The following NUTM1 variants were observed in gnomAD, a reference collection of about 807,000 sequenced individuals.
NUTM1 encodes NUT family member 1.
A neutral mutation model predicts 88.7 loss-of-function variants in NUTM1; 39 were observed. That is an observed-to-expected ratio of 0.44 (90% CI 0.34 to 0.57). The LOEUF is 0.57. Among genes scored for constraint, NUTM1 ranks in the 20% least tolerant of loss-of-function variants. The probability of loss-of-function intolerance (pLI) is 0.01; values close to 1 mark genes in which losing one functional copy is unlikely to be tolerated. For synonymous variants in NUTM1, 494 were observed against 538.0 expected, an observed-to-expected ratio of 0.92 and a Z score of 1.13; for missense variants, 1,350 against 1,414.5, an observed-to-expected ratio of 0.95 and a Z score of 0.73.
At chr15:34,345,837 T>G in intron 1 of NUTM1, 105 bp from the exon 2 acceptor site, 1 of 1,457,086 alleles carries the variant, frequency 6.9e-7, no homozygotes, top group Non-Finnish European at 9.1e-7. Context: ...CACTTTTCCC[T>G]CTCCCCTCCC....
At position 34,356,693 on chromosome 15, in the gene NUTM1, TATC is replaced by T; in HGVS notation, c.2688_2690del (p.Ile896del). The T allele has an allele frequency of 1.2e-6, 2 of 1,613,654 alleles. No homozygotes were observed. The highest frequency in any genetic ancestry group is 2.2e-5 in the East Asian group (1 of 44,876). On this transcript the variant is annotated inframe_deletion, in exon 8 of 8. Transcript: ENST00000537011. ...CACCCACATGCCAAGGCAATCTCCT[TATC>T]ATGGGGACTGAGGATGCCTCCTCCT...
In NUTM1 at chr15:34,355,857, G is replaced by T; in HGVS notation, c.1849G>T (p.Val617Phe). ...LGVERRGSGK[V>F]INQVSLHQDG... ...TGTGGAGAGGAGAGGGTCTGGGAAG[G>T]TTATAAACCAGGTATCTCTACATCA... Residue 617 changes from valine to phenylalanine, a missense_variant, in exon 8 of 8, where the codon GTT becomes TTT. Val to Phe is a conservative substitution (Grantham distance 50). This residue lies in a region of NUTM1 where 730 missense variants were observed against 728.8 expected (regional missense o/e 1.00). Transcript: ENST00000537011. The surrounding 1 kb of genome is among the most constrained non-coding windows in gnomAD (Gnocchi z 4.3). 6.2e-7 allele frequency: 1 copy of T among 1,613,970 alleles called. No homozygotes were observed. The highest frequency in any genetic ancestry group is 8.5e-7 in the Non-Finnish European group (1 of 1,180,002).
chr15:34,349,836 C>G (rs547057881), intron 3 of NUTM1, among the ~76,000 whole-genome samples: 1 of 152,194 alleles, frequency 6.6e-6, no homozygotes, highest in South Asian at 2.1e-4. Flanking sequence ...GCTCTTGGAG[C>G]CTAGCAGGCT....
In NUTM1 at chr15:34,356,564, G is replaced by T. The variant is rs1890816127; in HGVS notation, c.2556G>T (p.Gln852His). 6.2e-7 allele frequency: 1 copy of T among 1,613,924 alleles called. No homozygotes were observed. The highest frequency in any genetic ancestry group is 8.5e-7 in the Non-Finnish European group (1 of 1,180,006). ...TGAGGTCCAAAGAAAATCAAGAACA[G>T]AGCTGTGAAACCGTAGGGCATCCCA... Reference protein sequence around the residue: ...PPLRSKENQEQSCETVGHPSD... With the variant: ...PPLRSKENQEHSCETVGHPSD... Residue 852 changes from glutamine (Q) to histidine (H), a missense_variant, in exon 8 of 8, where the codon CAG becomes CAT. Physicochemically the swap from Gln to His is conservative, Grantham distance 24 (BLOSUM62 0). This residue lies in a region of NUTM1 where 730 missense variants were observed against 728.8 expected (regional missense o/e 1.00). Transcript: ENST00000537011.
chr15:34,352,642 CAAA>C (rs34684058), intron 4 of NUTM1, among the ~76,000 whole-genome samples: 5 of 112,694 alleles, frequency 4.4e-5, no homozygotes, highest in Non-Finnish European at 7.1e-5. Flanking sequence ...ACTAAAAATA[CAAA>C]AAAAAAAAAA....
Position 34,355,591 on chromosome 15 carries a change from A to T in NUTM1, c.1583A>T (p.Glu528Val). The T allele has an allele frequency of 6.2e-7, 1 of 1,614,092 alleles. No homozygotes were observed. The highest frequency in any genetic ancestry group is 1.1e-5 in the South Asian group (1 of 91,074). ...QLDSSPSGSV[E>V]DEDGDGRLRP... Reference sequence around the variant, plus strand: ...GACTCAAGTCCTTCTGGTTCTGTTGAGGATGAAGATGGGGATGGGCGGCTT... The same window carrying T: ...GACTCAAGTCCTTCTGGTTCTGTTGTGGATGAAGATGGGGATGGGCGGCTT... The change falls in exon 8 of 8, where the codon GAG becomes GTG. Residue 528 changes from glutamate to valine, a missense_variant. By Grantham distance (121) the Glu-to-Val change is moderately radical. This residue lies in a region of NUTM1 where 126 missense variants were observed against 189.8 expected (regional missense o/e 0.66). Coordinates refer to ENST00000537011, the MANE Select transcript of NUTM1 (RefSeq NM_001284292.2). This position sits in a 1 kb window ranked among gnomAD's most constrained non-coding sequence, Gnocchi z 4.3.
intron 2 of NUTM1, among the ~76,000 whole-genome samples, chr15:34,347,306 G>A (rs1890611207): frequency 6.6e-6 from 1 of 151,046 alleles, no homozygotes; most frequent in South Asian, 2.1e-4. Flanking sequence ...CACCGAGGCT[G>A]GAGCACAGAG....
At chr15:34,349,677 A>G (rs1223383611) in intron 3 of NUTM1, among the ~76,000 whole-genome samples, 2 of 152,286 alleles carry the variant, frequency 1.3e-5, no homozygotes, top group South Asian at 2.1e-4. Context: ...ATTGCTTTAA[A>G]CAAATGTACA....
Position 34,357,537 on chromosome 15 carries a change from G to A in NUTM1, c.*46G>A. 2 of 1,611,148 alleles carry A rather than the reference G, an allele frequency of 1.2e-6. No individual in the cohort carries two copies. Among genetic ancestry groups the A allele is most frequent in the Non-Finnish European group, 1.7e-6 (2 of 1,179,964 alleles). ...CCCCACTTGCCAGTCCCTAAAGGTG[G>A]GTGCCCCAGAGTAGATTCCACCCCT... is the stretch of plus-strand genomic sequence containing the variant. On this transcript the variant is annotated 3_prime_UTR_variant, in exon 8 of 8. Coordinates refer to ENST00000537011, the MANE Select transcript of NUTM1 (RefSeq NM_001284292.2).
intron 5 of NUTM1, 38 bp downstream of exon 5, chr15:34,353,910 AG>A: frequency 6.2e-7 from 1 of 1,609,366 alleles, no homozygotes; most frequent in Non-Finnish European, 8.5e-7. Context: ...CGTGGGCCAA[AG>A]GCTCAAAGGG....
Position 34,343,586 on chromosome 15 carries a change from T to A in NUTM1, c.-111T>A. On this transcript the variant is annotated 5_prime_UTR_variant, in exon 1 of 8. Transcript: ENST00000537011. ...AAGAATGCATGTTGAGTATCAATAT[T>A]CCGTAAAGCGAAAGAGCGTAAAGTT... 2 of 1,534,736 alleles carry A rather than the reference T, an allele frequency of 1.3e-6. No homozygotes were observed. Among genetic ancestry groups the A allele is most frequent in the Non-Finnish European group, 1.7e-6 (2 of 1,146,230 alleles).
chr15:34,345,053 TAGAA>T (rs983481944), intron 1 of NUTM1, among the ~76,000 whole-genome samples: 2 of 152,176 alleles, frequency 1.3e-5, no homozygotes, highest in African/African-American at 4.8e-5. Flanking sequence ...TTAATTTTGT[TAGAA>T]AGGAAAATGA....
chr15:34,348,236 A>T lies in NUTM1; in HGVS notation c.368A>T (p.Glu123Val). The stretch of plus-strand genomic sequence containing the variant: ...AAGGTCATTGTCAAAGTCAAGACAG[A>T]AGGGGGGTCAGCTGAGCCCTCTCAA... ...AGKVIVKVKT[E>V]GGSAEPSQTQ... The change falls in exon 3 of 8, where the codon GAA (glutamate) becomes GTA (valine). Residue 123 changes from glutamate (E) to valine (V), a missense_variant. Glu to Val is a moderately radical substitution (Grantham distance 121, BLOSUM62 -2). Transcript: ENST00000537011. The T allele has an allele frequency of 6.2e-7, 1 of 1,614,228 alleles. No individual in the cohort carries two copies. Among genetic ancestry groups the T allele is most frequent in the African/African-American group, 1.3e-5 (1 of 75,064 alleles).
chr15:34,356,693 T>C lies in NUTM1; in HGVS notation c.2685T>C (p.Leu895=), dbSNP rs770768542. The C allele has an allele frequency of 6.2e-7, 1 of 1,613,654 alleles. No homozygotes were observed. The highest frequency in any genetic ancestry group is 8.5e-7 in the Non-Finnish European group (1 of 1,179,914). ...TLPPTCQGNL[L]IMGTEDASSL... ...CACCCACATGCCAAGGCAATCTCCT[T>C]ATCATGGGGACTGAGGATGCCTCCT... Residue 895 remains leucine (L), a synonymous_variant, in exon 8 of 8, where the codon CTT becomes CTC. Coordinates refer to ENST00000537011, the MANE Select transcript of NUTM1 (RefSeq NM_001284292.2).
intron 5 of NUTM1, 56 bp downstream of exon 5, chr15:34,353,928 A>T: frequency 6.3e-7 from 1 of 1,587,572 alleles, no homozygotes; most frequent in African/African-American, 1.3e-5. Context: ...AGGGATGCAT[A>T]CAGAAGCCAG....
intron 1 of NUTM1, chr15:34,345,731 C>A: frequency 1.7e-6 from 1 of 596,256 alleles, no homozygotes; most frequent in Non-Finnish European, 2.8e-6. Context: ...AAGAGGCAAA[C>A]ATCAATTGTG....
chr15:34,347,280 C>G (rs1338218973), intron 2 of NUTM1, among the ~76,000 whole-genome samples: 1 of 148,092 alleles, frequency 6.8e-6, no homozygotes, highest in Non-Finnish European at 1.5e-5. Context: ...TTTTTTGAGA[C>G]AGAGTTTTCC....
intron 6 of NUTM1, 31 bp downstream of exon 6, chr15:34,354,763 C>G (rs771485013): frequency 1.2e-6 from 2 of 1,610,390 alleles, no homozygotes; most frequent in South Asian, 2.2e-5. Flanking sequence ...TTGTTTCTAG[C>G]AGATCCTTGG....
Position 34,355,818 on chromosome 15 carries a change from C to T in NUTM1, c.1810C>T (p.Pro604Ser). 2 of 1,614,164 alleles carry T rather than the reference C, an allele frequency of 1.2e-6. No homozygotes were observed. The highest frequency in any genetic ancestry group is 1.1e-5 in the South Asian group (1 of 91,080). Residue 604 changes from proline (P) to serine (S), a missense_variant, in exon 8 of 8, where the codon CCG becomes TCG. Pro to Ser is a moderately conservative substitution (Grantham distance 74). Coordinates refer to ENST00000537011, the MANE Select transcript of NUTM1 (RefSeq NM_001284292.2). The surrounding 1 kb of genome is among the most constrained non-coding windows in gnomAD (Gnocchi z 4.3). ...AGAACTTGCAGCTCCACAGGGAACT[C>T]CGGGACCCTTGGGTGTGGAGAGGAG... Reference protein sequence around the residue: ...QPELAAPQGTPGPLGVERRGS... With the variant: ...QPELAAPQGTSGPLGVERRGS...
Sources: allele counts gnomAD v4.1 joint callset (sites outside exome capture counted in the v4.1 genomes callset), GRCh38; gene constraint gnomAD v4.1.1; regional missense constraint gnomAD v4.1.1; non-coding constraint Gnocchi (gnomAD v3.1); transcripts MANE v1.5; gene names NCBI Gene and HGNC (gene_info 2026-07-23, HGNC 2026-07-21).